Variants in EXTL3 observed in about 807,000 individuals in gnomAD.
EXTL3 encodes exostosin like glycosyltransferase 3.
In EXTL3, 27 loss-of-function variants were observed where a neutral mutation model predicts 69.3. The observed-to-expected ratio is 0.39, with a 90% confidence interval of 0.29 to 0.54. The LOEUF (loss-of-function observed/expected upper bound fraction) is 0.54, where lower values mean the gene tolerates loss of function less well. Among genes scored for constraint, EXTL3 ranks in the 20% least tolerant of loss-of-function variants. EXTL3 has a pLI of 0.69. For synonymous variants in EXTL3, 511 were observed against 499.4 expected, an observed-to-expected ratio of 1.02 and a Z score of -0.31; for missense variants, 1,003 against 1,231.8, an observed-to-expected ratio of 0.81 and a Z score of 2.78.
intron 1 of EXTL3, among the ~76,000 whole-genome samples, chr8:28,634,251 C>A (rs963089855): frequency 6.6e-6 from 1 of 152,102 alleles, no homozygotes; most frequent in African/African-American, 2.4e-5. Flanking sequence ...GAGAAATGAT[C>A]GGTTCACATC....
chr8:28,729,611 A>AG (rs1801492916), intron 3 of EXTL3, among the ~76,000 whole-genome samples: 1 of 148,754 alleles, frequency 6.7e-6, no homozygotes, highest in East Asian at 1.9e-4. Context: ...AAAAAAAAAA[A>AG]AAAAAAAAAA....
chr8:28,743,399 T>C (rs1801819810), intron 6 of EXTL3, among the ~76,000 whole-genome samples, 185 bp downstream of exon 6: 1 of 152,158 alleles, frequency 6.6e-6, no homozygotes, highest in African/African-American at 2.4e-5. Flanking sequence ...GGCCCTTCAT[T>C]CCTAAGGGCA....
chr8:28,639,691 G>A (rs867603811), intron 1 of EXTL3, among the ~76,000 whole-genome samples: 43 of 152,324 alleles, frequency 2.8e-4, no homozygotes, highest in Middle Eastern at 6.8e-3. Flanking sequence ...TTTTTGGGTT[G>A]CAAGTTAGAC....
At chr8:28,709,617 G>T (rs1800992616) in intron 1 of EXTL3, among the ~76,000 whole-genome samples, 1 of 152,108 alleles carries the variant, frequency 6.6e-6, no homozygotes, top group African/African-American at 2.4e-5. Context: ...ATTAAAAGAT[G>T]CAAAAGAAGA....
At chr8:28,675,437 T>G (rs1807365581) in intron 1 of EXTL3, among the ~76,000 whole-genome samples, 1 of 152,158 alleles carries the variant, frequency 6.6e-6, no homozygotes. Context: ...CTCTTTAAGA[T>G]TCATAAATAC....
At chr8:28,635,321 G>A (rs1253113186) in intron 1 of EXTL3, among the ~76,000 whole-genome samples, 2 of 150,984 alleles carry the variant, frequency 1.3e-5, no homozygotes, top group Non-Finnish European at 1.5e-5. Context: ...TACTCAGGAG[G>A]CTGAGGCATG....
chr8:28,722,893 TA>T (rs1222903834), intron 3 of EXTL3, among the ~76,000 whole-genome samples: 1 of 151,858 alleles, frequency 6.6e-6, no homozygotes, highest in Non-Finnish European at 1.5e-5. Flanking sequence ...TTGGGTAATA[TA>T]AATATCATTC....
At chr8:28,741,966 A>G (rs1185760607) in intron 5 of EXTL3, 1 of 152,206 alleles carries the variant, frequency 6.6e-6, no homozygotes, top group Non-Finnish European at 1.5e-5. Context: ...TCATTTGTTC[A>G]TTACAGCAAA....
At chr8:28,714,786 G>A (rs1801104512) in intron 2 of EXTL3, among the ~76,000 whole-genome samples, 2 of 152,228 alleles carry the variant, frequency 1.3e-5, no homozygotes, top group African/African-American at 4.8e-5. Flanking sequence ...CGCTACAAGC[G>A]TCCTCCCATC....
intron 1 of EXTL3, among the ~76,000 whole-genome samples, chr8:28,672,400 C>G (rs573513168): frequency 1.8e-5 from 2 of 108,372 alleles, no homozygotes; most frequent in African/African-American, 7.4e-5. Context: ...TCTGGGCAAC[C>G]GAGCGAGACT....
At chr8:28,745,041 A>C (rs1229523062) in intron 6 of EXTL3, among the ~76,000 whole-genome samples, 1 of 152,176 alleles carries the variant, frequency 6.6e-6, no homozygotes, top group Non-Finnish European at 1.5e-5. Context: ...TAATGAAATC[A>C]TCTTTAGAAG....
Position 28,751,253 on chromosome 8 carries a change from A to G in EXTL3, c.*387A>G, listed in dbSNP as rs959778433. On this transcript the variant is annotated 3_prime_UTR_variant, in exon 7 of 7. Transcript: ENST00000220562. The stretch of plus-strand genomic sequence containing the variant: ...TTTGCCATTCAAGGCTTATTTATAT[A>G]TATGTGTGTGTATATAAATACATGC... 1 of 254,832 alleles carries G rather than the reference A, an allele frequency of 3.9e-6. No individual in the cohort carries two copies. Among genetic ancestry groups the G allele is most frequent in the African/African-American group, 2.2e-5 (1 of 45,678 alleles). The allele number at this position is 254,832 out of a possible 1,614,324, so 15.8% of individuals were successfully genotyped here. A position where few individuals can be genotyped will look rare whatever the true frequency, so the allele number is the denominator to read the frequency against.
At chr8:28,682,300 T>C (rs1807502741) in intron 1 of EXTL3, among the ~76,000 whole-genome samples, 1 of 152,232 alleles carries the variant, frequency 6.6e-6, no homozygotes. Context: ...ATTGGGTTAT[T>C]AGTTTCCTTG....
chr8:28,715,996 A>G lies in EXTL3; in HGVS notation c.-64A>G. The G allele has an allele frequency of 3.7e-6, 5 of 1,362,396 alleles. No homozygotes were observed. The highest frequency in any genetic ancestry group is 5.1e-6 in the Non-Finnish European group (5 of 979,906). The allele number at this position is 1,362,396 out of a possible 1,614,324, so 84.4% of individuals were successfully genotyped here. ...CAGTGAAACAGAGATCGTTTTGTGG[A>G]ATAGCAACCCATGGTTATGGCGAGT... is the stretch of plus-strand genomic sequence containing the variant. On this transcript the variant is annotated 5_prime_UTR_variant, in exon 3 of 7. Transcript: ENST00000220562.
intron 1 of EXTL3, among the ~76,000 whole-genome samples, chr8:28,704,945 C>T (rs1433380427): frequency 6.6e-6 from 1 of 152,254 alleles, no homozygotes; most frequent in Non-Finnish European, 1.5e-5. Context: ...TGAGCCGCCG[C>T]ATCCGGCTTC....
At position 28,715,668 on chromosome 8, in the gene EXTL3, A is replaced by G. The variant is rs1216580955; in HGVS notation, c.-392A>G. On this transcript the variant is annotated 5_prime_UTR_variant, in exon 3 of 7. An upstream start codon of the reference 5' UTR is lost. Coordinates refer to ENST00000220562, the MANE Select transcript of EXTL3 (RefSeq NM_001440.4). Reference sequence around the variant, plus strand: ...TACTGTATAACTGTGAATAGACACTATGCATATTTGTTGGTCAGCAAAACC... The same window carrying G: ...TACTGTATAACTGTGAATAGACACTGTGCATATTTGTTGGTCAGCAAAACC... 1 of 256,890 alleles carries G rather than the reference A, an allele frequency of 3.9e-6. No homozygotes were observed. The highest frequency in any genetic ancestry group is 9.4e-5 in the East Asian group (1 of 10,646). The allele number at this position is 256,890 out of a possible 1,614,324, so 15.9% of individuals were successfully genotyped here. A position where few individuals can be genotyped will look rare whatever the true frequency, so the allele number is the denominator to read the frequency against.
intron 1 of EXTL3, among the ~76,000 whole-genome samples, chr8:28,684,166 CTGTT>C (rs1461483456): frequency 2.6e-5 from 4 of 152,162 alleles, no homozygotes; most frequent in African/African-American, 9.7e-5. Flanking sequence ...TTTTCCTTAT[CTGTT>C]TGTCTACTGG....
At chr8:28,680,488 G>A (rs1357915896) in intron 1 of EXTL3, among the ~76,000 whole-genome samples, 1 of 151,828 alleles carries the variant, frequency 6.6e-6, no homozygotes, top group African/African-American at 2.4e-5. Flanking sequence ...ATATTTACAG[G>A]GTATGACATG....
Position 28,750,972 on chromosome 8 carries a change from G to C in EXTL3, c.*106G>C, listed in dbSNP as rs1585303173. 2.1e-6 allele frequency: 2 copies of C among 968,156 alleles called. No homozygotes were observed. The highest frequency in any genetic ancestry group is 2.8e-5 in the South Asian group (2 of 72,002). 60.0% of individuals were successfully genotyped at this position (968,156 alleles called of 1,614,324 possible). On this transcript the variant is annotated 3_prime_UTR_variant, in exon 7 of 7. Coordinates refer to ENST00000220562, the MANE Select transcript of EXTL3 (RefSeq NM_001440.4). This position sits in a 1 kb window ranked among gnomAD's most constrained non-coding sequence, Gnocchi z 5.2. ...GGCACATCTGCTGGTGGGTGGCCCA[G>C]AGCCTCTGCTGGAAGGGGCAGCAGG...
Sources: gnomAD v4.1 joint callset for allele counts (sites outside exome capture counted in the v4.1 genomes callset) on GRCh38, gnomAD v4.1.1 for gene constraint, Gnocchi (gnomAD v3.1) non-coding constraint, MANE v1.5 for transcripts, NCBI Gene and HGNC (gene_info 2026-07-23, HGNC 2026-07-21) for gene names.